Variants in SLC27A6 observed in about 807,000 individuals in gnomAD.
SLC27A6 encodes the protein long-chain fatty acid transport protein 6.
In SLC27A6, 74 loss-of-function variants were observed where a neutral mutation model predicts 63.9. That is an observed-to-expected ratio of 1.16 (90% confidence interval 0.96 to 1.40). The LOEUF (loss-of-function observed/expected upper bound fraction) is 1.40, where lower values mean the gene tolerates loss of function less well. Among genes scored for constraint, SLC27A6 ranks in the 40% most tolerant of loss-of-function variants. The pLI, the probability that SLC27A6 is intolerant of heterozygous loss-of-function variation, is 0.00. For synonymous variants in SLC27A6, 287 were observed against 260.8 expected (o/e 1.10, Z -0.97); for missense variants, 794 against 732.9 (o/e 1.08, Z -0.96).
At chr5:129,001,996 C>T (rs1190825195) in intron 4 of SLC27A6, among the ~76,000 whole-genome samples, 1 of 152,164 alleles carries the variant, frequency 6.6e-6, no homozygotes, top group Non-Finnish European at 1.5e-5. Context: ...TCTCAAATAA[C>T]CTTTTGAAGA....
intron 4 of SLC27A6, among the ~76,000 whole-genome samples, chr5:129,008,905 T>G (rs1455379511): frequency 1.3e-5 from 2 of 150,056 alleles, no homozygotes; most frequent in African/African-American, 4.9e-5. Flanking sequence ...GTCCCTCTGT[T>G]ACCCAGGCTG....
At chr5:128,981,749 G>A (rs764001013) in intron 1 of SLC27A6, among the ~76,000 whole-genome samples, 9 of 151,890 alleles carry the variant, frequency 5.9e-5, no homozygotes, top group Non-Finnish European at 1.0e-4. Flanking sequence ...ATGCTATTTT[G>A]TGTCAAGACA....
At position 128,990,241 on chromosome 5, in the gene SLC27A6, G is replaced by C. The variant is rs964781744; in HGVS notation, c.845-99G>C. The stretch of plus-strand genomic sequence containing the variant: ...TGATGAGTTATTAAAGTTTTAAAAT[G>C]AGCAAACATGTTCTAGACAGAGAAA... On this transcript the variant is annotated intron_variant, in intron 3 of 9. Transcript: ENST00000262462. 3.3e-6 allele frequency: 4 copies of C among 1,214,416 alleles called. No homozygotes were observed. In the African/African-American group the frequency reaches 6.2e-5, roughly 19 times the overall value. The allele number at this position is 1,214,416 out of a possible 1,614,324, so 75.2% of individuals were successfully genotyped here.
chr5:128,990,382 T>G lies in SLC27A6; in HGVS notation c.887T>G (p.Phe296Cys). 1.2e-6 allele frequency: 2 copies of G among 1,614,030 alleles called. No individual in the cohort carries two copies. Among genetic ancestry groups the G allele is most frequent in the Non-Finnish European group, 1.7e-6 (2 of 1,179,960 alleles). The change falls in exon 4 of 10, where the codon TTT becomes TGT. Residue 296 changes from phenylalanine to cysteine, a missense_variant. Transcript: ENST00000262462. ...VLKKKFSASQFWSDCKKYDVT... is the reference protein window; with the variant it reads ...VLKKKFSASQCWSDCKKYDVT... ...AAGAAGAAATTTTCAGCAAGCCAGT[T>G]TTGGAGTGACTGCAAGAAGTATGAT...
At position 129,033,283 on chromosome 5, in the gene SLC27A6, G is replaced by A; in HGVS notation, c.*1G>A. 1 of 1,531,662 alleles carries A rather than the reference G, an allele frequency of 6.5e-7. No homozygotes were observed. Among genetic ancestry groups the A allele is most frequent in the Non-Finnish European group, 8.9e-7 (1 of 1,128,292 alleles). 94.9% of individuals were successfully genotyped at this position (1,531,662 alleles called of 1,614,324 possible). A position where few individuals can be genotyped will look rare whatever the true frequency, so the allele number is the denominator to read the frequency against. On this transcript the variant is annotated 3_prime_UTR_variant, in exon 10 of 10. Transcript: ENST00000262462. ...AATGTTAGGGGAAATAAAACTTTAAGATTTTTATATCTAGAACTTTCATAT... is the reference window on the plus strand; with the variant it reads ...AATGTTAGGGGAAATAAAACTTTAAAATTTTTATATCTAGAACTTTCATAT...
rs199924682 is a variant in SLC27A6, at chr5:128,966,580, T to C, written c.443T>C (p.Ile148Thr). ...CGCTCCAACTCCCTCCTGAATTGCA[T>C]CCGCGCCTGTGGGCCCAGAGCCCTA... Reference protein sequence around the residue: ...NIRSNSLLNCIRACGPRALVV... With the variant: ...NIRSNSLLNCTRACGPRALVV... The change falls in exon 1 of 10, where the codon ATC becomes ACC. Residue 148 changes from isoleucine to threonine, a missense_variant. Transcript: ENST00000262462. 1 of 1,548,098 alleles carries C rather than the reference T, an allele frequency of 6.5e-7. No homozygotes were observed. The highest frequency in any genetic ancestry group is 8.7e-7 in the Non-Finnish European group (1 of 1,154,622).
chr5:128,974,827 A>G (rs1750321677), intron 1 of SLC27A6, among the ~76,000 whole-genome samples: 1 of 152,240 alleles, frequency 6.6e-6, no homozygotes, highest in African/African-American at 2.4e-5. Context: ...TCTGATTCAC[A>G]GTATAATTCT....
chr5:128,994,157 A>T (rs1376076141), intron 4 of SLC27A6, among the ~76,000 whole-genome samples: 3 of 151,690 alleles, frequency 2.0e-5, no homozygotes, highest in Non-Finnish European at 2.9e-5. Flanking sequence ...ACAGAGCAAG[A>T]CTCTGTCTCA....
intron 1 of SLC27A6, among the ~76,000 whole-genome samples, chr5:128,978,247 T>G (rs756808374): frequency 3.3e-5 from 5 of 152,194 alleles, no homozygotes; most frequent in Non-Finnish European, 2.9e-5. Flanking sequence ...GAATGTGTAT[T>G]TTTTCAGTTA....
chr5:128,979,545 T>C (rs1750512111), intron 1 of SLC27A6, among the ~76,000 whole-genome samples: 1 of 152,162 alleles, frequency 6.6e-6, no homozygotes, highest in Admixed American at 6.5e-5. Flanking sequence ...TTGGTCTGCA[T>C]TTACTCTTCT....
chr5:129,021,583 C>A (rs1456760832), intron 5 of SLC27A6, among the ~76,000 whole-genome samples: 2 of 152,176 alleles, frequency 1.3e-5, no homozygotes, highest in Non-Finnish European at 2.9e-5. Flanking sequence ...CCCCCTGCAG[C>A]TGTGCTCCAG....
At chr5:128,978,711 A>T (rs1258299535) in intron 1 of SLC27A6, among the ~76,000 whole-genome samples, 1 of 152,204 alleles carries the variant, frequency 6.6e-6, no homozygotes, top group African/African-American at 2.4e-5. Context: ...TTTCAAAGAA[A>T]CCACACTATT....
At chr5:129,031,930 G>A (rs1344200083) in intron 9 of SLC27A6, among the ~76,000 whole-genome samples, 1 of 151,874 alleles carries the variant, frequency 6.6e-6, no homozygotes. Flanking sequence ...AGGGAGATCA[G>A]GGAAGGGGGT....
At chr5:129,009,821 C>G (rs1235298287) in intron 4 of SLC27A6, among the ~76,000 whole-genome samples, 1 of 151,944 alleles carries the variant, frequency 6.6e-6, no homozygotes, top group African/African-American at 2.4e-5. Context: ...ACTACAGGTG[C>G]ACGCTGCCAT....
intron 4 of SLC27A6, among the ~76,000 whole-genome samples, chr5:129,003,786 A>G (rs926288100): frequency 6.6e-6 from 1 of 151,984 alleles, no homozygotes; most frequent in African/African-American, 2.4e-5. Flanking sequence ...CCTATGCAAC[A>G]TAGTGAGACC....
chr5:128,977,095 A>G (rs1210439029), intron 1 of SLC27A6, among the ~76,000 whole-genome samples: 2 of 152,356 alleles, frequency 1.3e-5, no homozygotes, highest in East Asian at 3.9e-4. Context: ...TGAACAGTGG[A>G]GAGTGGACAA....
chr5:128,983,289 G>GTTTTTTTT (rs1195794733), intron 1 of SLC27A6, among the ~76,000 whole-genome samples: 4 of 111,108 alleles, frequency 3.6e-5, no homozygotes, highest in Non-Finnish European at 6.9e-5. Flanking sequence ...TCTGATCCGG[G>GTTTTTTTT]TTTTTTTTTT....
rs538128785 is a variant in SLC27A6, at chr5:129,002,382, C to G, written c.969+11918C>G. Among the ~76,000 whole-genome samples, 10 of 152,278 alleles carry G rather than the reference C, an allele frequency of 6.6e-5. No individual in the cohort carries two copies. In the East Asian group the frequency reaches 1.9e-3, roughly 29 times the overall value. ...ATTACTGAAACCATGGGAACAGGAT[C>G]GGTAAATAGAGCATGGGCTTTTGAG... On this transcript the variant is annotated intron_variant, in intron 4 of 9. Transcript: ENST00000262462.
At chr5:128,984,825 A>G (rs887010080) in intron 1 of SLC27A6, among the ~76,000 whole-genome samples, 2 of 152,352 alleles carry the variant, frequency 1.3e-5, no homozygotes, top group African/African-American at 2.4e-5. Flanking sequence ...TTAGATTCAG[A>G]CAGAGTTTTA....
Sources: gnomAD v4.1 joint callset for allele counts (sites outside exome capture counted in the v4.1 genomes callset) on GRCh38, gnomAD v4.1.1 for gene constraint, MANE v1.5 for transcripts, NCBI Gene and HGNC (gene_info 2026-07-23, HGNC 2026-07-21) for gene names.